The following PLCH1 variants were observed in gnomAD, a reference collection of about 807,000 sequenced individuals.
PLCH1 encodes phospholipase C eta 1.
Under a neutral mutation model 126.7 loss-of-function variants are expected in PLCH1, and 60 were observed. That is an observed-to-expected ratio of 0.47 (90% CI 0.38 to 0.59). The LOEUF (loss-of-function observed/expected upper bound fraction) is 0.59, where lower values mean the gene tolerates loss of function less well. PLCH1 is among the 20% of genes least tolerant of loss of function. PLCH1 has a pLI of 0.00. For synonymous variants in PLCH1, 719 were observed against 734.9 expected, an observed-to-expected ratio of 0.98 and a Z score of 0.35; for missense variants, 1,723 against 2,040.0, an observed-to-expected ratio of 0.84 and a Z score of 2.99.
intron 10 of PLCH1, among the ~76,000 whole-genome samples, chr3:155,539,293 A>G (rs1560131772): frequency 1.3e-5 from 2 of 152,218 alleles, no homozygotes; most frequent in African/African-American, 4.8e-5. Flanking sequence ...CCCACAGCCA[A>G]CATTATACTG....
chr3:155,523,783 C>T, intron 11 of PLCH1, 114 bp downstream of exon 11: 1 of 629,686 alleles, frequency 1.6e-6, no homozygotes, highest in Non-Finnish European at 2.8e-6. Context: ...CAATGAATAT[C>T]CTTTCTACAC....
chr3:155,526,436 TCTCTC>T (rs1721929650), intron 10 of PLCH1, among the ~76,000 whole-genome samples: 1 of 151,052 alleles, frequency 6.6e-6, no homozygotes, highest in African/African-American at 2.4e-5. Flanking sequence ...TCTCTCTCTC[TCTCTC>T]TTTTTCTCTC....
chr3:155,720,870 C>A (rs1391988077), intron 1 of PLCH1, among the ~76,000 whole-genome samples: 2 of 152,178 alleles, frequency 1.3e-5, no homozygotes, highest in African/African-American at 4.8e-5. Flanking sequence ...AGATTTAAGT[C>A]TTTGATCCAT....
At position 155,734,856 on chromosome 3, in the gene PLCH1, C is replaced by A. The variant is rs182549854; in HGVS notation, c.-41+9984G>T. On this transcript the variant is annotated intron_variant, in intron 1 of 22. Coordinates refer to ENST00000460012, the MANE Select transcript of PLCH1 (RefSeq NM_014996.4). ...CCCCAGTAGCTGGGACTACAGGCAC[C>A]CGCCACCACGCCCGGCTAATTTTTT... Among the ~76,000 whole-genome samples the A allele has an allele frequency of 5.9e-5, 9 of 152,048 alleles. No homozygotes were observed. The East Asian group carries it at 1.2e-3, about 20-fold the overall frequency.
intron 2 of PLCH1, among the ~76,000 whole-genome samples, chr3:155,667,634 A>G (rs1039204310): frequency 6.6e-6 from 1 of 152,168 alleles, no homozygotes; most frequent in South Asian, 2.1e-4. Context: ...CAACTGAGAA[A>G]TATTATGTCC....
rs1273783621 is a variant in PLCH1, at chr3:155,488,732, C to T, written c.2467G>A (p.Val823Met). The change falls in exon 20 of 23, where the codon GTG becomes ATG. Residue 823 changes from valine (V) to methionine (M), a missense_variant. Physicochemically the swap from Val to Met is conservative, Grantham distance 21. This residue lies in a region of PLCH1 where 776 missense variants were observed against 1,062.9 expected (regional missense o/e 0.73). Coordinates refer to ENST00000460012, the MANE Select transcript of PLCH1 (RefSeq NM_014996.4). ...CGTCCAATGGGATCGTGATCCCACA[C>T]AAGGAACCGAACCAAAGCTATTTCT... ...MPEIALVRFL[V>M]WDHDPIGRDF... 1 of 1,613,662 alleles carries T rather than the reference C, an allele frequency of 6.2e-7. No homozygotes were observed. Among genetic ancestry groups the T allele is most frequent in the Non-Finnish European group, 8.5e-7 (1 of 1,179,568 alleles).
Position 155,522,738 on chromosome 3 carries a change from A to T in PLCH1, c.1470+1159T>A, listed in dbSNP as rs554260961. On this transcript the variant is annotated intron_variant, in intron 11 of 22. Transcript: ENST00000460012. ...TTTTTTTTTTTTTTTTAGAGGGTAG[A>T]ATCATAGTCCTGATGTCTAGAGGAC... 7.7e-4 allele frequency among the ~76,000 whole-genome samples: 114 copies of T among 148,368 alleles called. 5 individuals are homozygous for T. The South Asian group carries it at 0.024, about 31-fold the overall frequency.
At chr3:155,566,112 CATATATATATGT>C (rs1728332294) in intron 7 of PLCH1, among the ~76,000 whole-genome samples, 1 of 48,864 alleles carries the variant, frequency 2.0e-5, no homozygotes, top group Non-Finnish European at 6.5e-5. Context: ...TATATATATA[CATATATATATGT>C]ATATATACAT....
intron 1 of PLCH1, among the ~76,000 whole-genome samples, chr3:155,744,330 A>G (rs1416428372): frequency 6.6e-6 from 1 of 152,192 alleles, no homozygotes; most frequent in African/African-American, 2.4e-5. Context: ...CCTCGCGCTG[A>G]GCACACCTAG....
Position 155,594,054 on chromosome 3 carries a change from G to C in PLCH1, c.357C>G (p.Asp119Glu), listed in dbSNP as rs1198319497. Reference protein sequence around the residue: ...IYHGNHMESLDLITSNPEEAR... With the variant: ...IYHGNHMESLELITSNPEEAR... ...CCTCCTCGGGGTTGGAGGTGATGAGGTCCAGGGACTCCATGTGGTTGCCAT... is the reference window on the plus strand; with the variant it reads ...CCTCCTCGGGGTTGGAGGTGATGAGCTCCAGGGACTCCATGTGGTTGCCAT... Residue 119 changes from aspartate to glutamate, a missense_variant, in exon 4 of 23, where the codon GAC (aspartate) becomes GAG (glutamate). This residue lies in a region of PLCH1 where 776 missense variants were observed against 1,062.9 expected (regional missense o/e 0.73). Coordinates refer to ENST00000460012, the MANE Select transcript of PLCH1 (RefSeq NM_014996.4). The C allele has an allele frequency of 6.2e-7, 1 of 1,614,070 alleles. No homozygotes were observed. The highest frequency in any genetic ancestry group is 1.1e-5 in the South Asian group (1 of 91,062).
chr3:155,724,441 AT>A (rs1748166621), intron 1 of PLCH1, among the ~76,000 whole-genome samples: 1 of 152,126 alleles, frequency 6.6e-6, no homozygotes, highest in Non-Finnish European at 1.5e-5. Flanking sequence ...GTGCATATAT[AT>A]TTAGAATTGT....
At chr3:155,562,567 A>G (rs1727777241) in intron 8 of PLCH1, among the ~76,000 whole-genome samples, 1 of 152,156 alleles carries the variant, frequency 6.6e-6, no homozygotes, top group Non-Finnish European at 1.5e-5. Context: ...TGGGGATGGG[A>G]TCAAAGGGAG....
At chr3:155,537,116 G>T (rs1311649358) in intron 10 of PLCH1, among the ~76,000 whole-genome samples, 1 of 148,196 alleles carries the variant, frequency 6.7e-6, no homozygotes, top group Non-Finnish European at 1.5e-5. Context: ...TCAGACACAC[G>T]CAATAATCCA....
At chr3:155,717,300 G>A (rs1747592989) in intron 1 of PLCH1, among the ~76,000 whole-genome samples, 1 of 152,234 alleles carries the variant, frequency 6.6e-6, no homozygotes. Context: ...CCATTCTGGG[G>A]TCTGGAAGAC....
In PLCH1 at chr3:155,480,000, C is replaced by T. The variant is rs1438111652; in HGVS notation, c.*968G>A. On this transcript the variant is annotated 3_prime_UTR_variant, in exon 23 of 23. Transcript: ENST00000460012. ...TGAACATGCAATAAAAAAGTGAATT[C>T]ACAGTGAAAATAATGCATGTCAGTA... 1.3e-5 allele frequency: 2 copies of T among 150,926 alleles called. No individual in the cohort carries two copies. Among genetic ancestry groups the T allele is most frequent in the Non-Finnish European group, 3.0e-5 (2 of 67,766 alleles). The allele number at this position is 150,926 out of a possible 1,614,324, so 9.3% of individuals were successfully genotyped here. A position where few individuals can be genotyped will look rare whatever the true frequency, so the allele number is the denominator to read the frequency against.
rs1011577094 is a variant in PLCH1 at position 155,497,716 on chromosome 3, A to AT, written c.1797-300dup. Among the ~76,000 whole-genome samples the AT allele has an allele frequency of 5.3e-5, 8 of 151,928 alleles. No individual in the cohort carries two copies. In the East Asian group the frequency reaches 1.2e-3, roughly 22 times the overall value. On this transcript the variant is annotated intron_variant, in intron 14 of 22. Coordinates refer to ENST00000460012, the MANE Select transcript of PLCH1 (RefSeq NM_014996.4). ...ATTTCAGAAATAAACAATTCATGAG[A>AT]TTTTTTTTCTTTTTTTGAGACAGAG...
chr3:155,568,405 T>C (rs1250267569), intron 6 of PLCH1, 81 bp from the exon 7 acceptor site: 3 of 648,010 alleles, frequency 4.6e-6, no homozygotes, highest in Admixed American at 5.7e-5. Flanking sequence ...TTTACTGATT[T>C]TGCATTCTTC....
intron 21 of PLCH1, among the ~76,000 whole-genome samples, chr3:155,472,092 G>C (rs1418006057): frequency 6.6e-6 from 1 of 152,108 alleles, no homozygotes; most frequent in Non-Finnish European, 1.5e-5. Flanking sequence ...CAGAACTGAA[G>C]GAAATAGAGA....
At chr3:155,516,761 A>G (rs1430235312) in intron 11 of PLCH1, among the ~76,000 whole-genome samples, 1 of 152,124 alleles carries the variant, frequency 6.6e-6, no homozygotes, top group African/African-American at 2.4e-5. Context: ...TGTATTAAAA[A>G]AAAAACCATG....
Sources: allele counts gnomAD v4.1 joint callset (sites outside exome capture counted in the v4.1 genomes callset), GRCh38; gene constraint gnomAD v4.1.1; regional missense constraint gnomAD v4.1.1; transcripts MANE v1.5; gene names NCBI Gene and HGNC (gene_info 2026-07-23, HGNC 2026-07-21).